IFRD1: variants seen among roughly 807,000 people sequenced by gnomAD.
The protein encoded by IFRD1 is interferon related developmental regulator 1.
In IFRD1, 35 loss-of-function variants were observed where a neutral mutation model predicts 52.9. That is an observed-to-expected ratio of 0.66 (90% CI 0.51 to 0.88). The LOEUF (loss-of-function observed/expected upper bound fraction) is 0.88, where lower values mean the gene tolerates loss of function less well. Ranked by LOEUF, IFRD1 falls within the 40% of genes least tolerant of loss-of-function variation. IFRD1 has a pLI of 0.00. For missense variants in IFRD1, 517 were observed against 550.8 expected, an observed-to-expected ratio of 0.94 and a Z score of 0.61; for synonymous variants, 184 against 188.4, an observed-to-expected ratio of 0.98 and a Z score of 0.19.
At chr7:112,472,440 C>T in intron 10 of IFRD1, 93 bp downstream of exon 10, 4 of 1,341,064 alleles carry the variant, frequency 3.0e-6, no homozygotes, top group Admixed American at 1.7e-5. Context: ...AATTAGGTAT[C>T]CAGAGTGCTT....
chr7:112,472,687 TAATC>T, intron 10 of IFRD1, 75 bp from the exon 11 acceptor site: 1 of 929,064 alleles, frequency 1.1e-6, no homozygotes, highest in East Asian at 2.4e-5. Context: ...TAACTTCTGT[TAATC>T]AGAGTCACTC....
intron 1 of IFRD1, among the ~76,000 whole-genome samples, chr7:112,425,582 C>T (rs1343045520): frequency 6.6e-6 from 1 of 152,180 alleles, no homozygotes; most frequent in Admixed American, 6.5e-5. Flanking sequence ...CTAAGGGTTG[C>T]ACTGTTGGCT....
intron 8 of IFRD1, among the ~76,000 whole-genome samples, chr7:112,466,402 A>G (rs1351172920): frequency 6.6e-6 from 1 of 152,140 alleles, no homozygotes; most frequent in East Asian, 1.9e-4. Context: ...ATTACCGTGA[A>G]GTTTTTCAAT....
At chr7:112,440,018 C>T (rs1172213724) in intron 1 of IFRD1, among the ~76,000 whole-genome samples, 5 of 151,696 alleles carry the variant, frequency 3.3e-5, no homozygotes, top group African/African-American at 1.2e-4. Context: ...TGCAGTCTTG[C>T]TCTGTCACCT....
At chr7:112,435,621 G>GGTCTGTGTGTGTGTGT (rs1554503434) in intron 1 of IFRD1, 8 of 108,840 alleles carry the variant, frequency 7.4e-5, no homozygotes, top group African/African-American at 2.6e-4. Flanking sequence ...ATCTGCTACA[G>GGTCTGTGTGTGTGTGT]GTGTGTGTGT....
intron 1 of IFRD1, among the ~76,000 whole-genome samples, chr7:112,428,349 C>T (rs1376010615): frequency 1.3e-5 from 2 of 151,998 alleles, no homozygotes; most frequent in East Asian, 3.9e-4. Flanking sequence ...TTCTGAGCGG[C>T]TGGGTGAAGG....
At chr7:112,449,110 C>T (rs1795091630), upstream of IFRD1, among the ~76,000 whole-genome samples, 1 of 152,164 alleles carries the variant, frequency 6.6e-6, no homozygotes, top group Admixed American at 6.5e-5. Context: ...ATAGGGAACA[C>T]ACAAATAAAT....
intron 11 of IFRD1, among the ~76,000 whole-genome samples, chr7:112,474,135 T>A (rs1795832593): frequency 6.6e-6 from 1 of 152,242 alleles, no homozygotes; most frequent in Non-Finnish European, 1.5e-5. Context: ...ACATTTTGTT[T>A]ATCCATTTTA....
At chr7:112,452,172 A>G in intron 1 of IFRD1, 3 of 917,294 alleles carry the variant, frequency 3.3e-6, no homozygotes, top group South Asian at 5.0e-5. Context: ...TTTTTTTGTT[A>G]AGGGAAAGAG....
At chr7:112,430,383 T>C (rs758649839) in intron 1 of IFRD1, among the ~76,000 whole-genome samples, 2 of 152,040 alleles carry the variant, frequency 1.3e-5, no homozygotes, top group African/African-American at 2.4e-5. Flanking sequence ...TGGAAGGTGG[T>C]TCTGAGATGG....
intron 1 of IFRD1, among the ~76,000 whole-genome samples, chr7:112,434,822 T>TG (rs1489974533): frequency 6.6e-6 from 1 of 152,200 alleles, no homozygotes; most frequent in African/African-American, 2.4e-5. Context: ...TACAGAATGA[T>TG]TCAAAAAGAA....
At chr7:112,434,886 A>G in intron 1 of IFRD1, among the ~76,000 whole-genome samples, 1 of 152,182 alleles carries the variant, frequency 6.6e-6, no homozygotes, top group East Asian at 1.9e-4. Context: ...CACTTTCCAT[A>G]GACATTGAAA....
At chr7:112,472,579 G>A (rs1053600647) in intron 10 of IFRD1, among the ~76,000 whole-genome samples, 187 bp from the exon 11 acceptor site, 5 of 152,058 alleles carry the variant, frequency 3.3e-5, no homozygotes, top group Admixed American at 1.3e-4. Context: ...AAAGCAAATA[G>A]CTTGACATAG....
At chr7:112,429,990 C>T (rs1794513759) in intron 1 of IFRD1, among the ~76,000 whole-genome samples, 1 of 152,228 alleles carries the variant, frequency 6.6e-6, no homozygotes, top group African/African-American at 2.4e-5. Flanking sequence ...TTCTTCTCAG[C>T]TTCTTCCTAC....
intron 11 of IFRD1, 77 bp from the exon 12 acceptor site, chr7:112,475,353 T>G: frequency 1.2e-6 from 1 of 800,796 alleles, no homozygotes; most frequent in South Asian, 1.5e-5. Context: ...CTTTTCTTTG[T>G]GACTTTTACC....
At chr7:112,444,817 G>T (rs1444902965) in intron 1 of IFRD1, among the ~76,000 whole-genome samples, 1 of 152,142 alleles carries the variant, frequency 6.6e-6, no homozygotes, top group Non-Finnish European at 1.5e-5. Context: ...GGATGGAGGG[G>T]GAAAGAGTTG....
At chr7:112,443,873 A>G (rs1460563445) in intron 1 of IFRD1, among the ~76,000 whole-genome samples, 1 of 151,398 alleles carries the variant, frequency 6.6e-6, no homozygotes, top group African/African-American at 2.4e-5. Context: ...AAAAAAAAAA[A>G]AAAACCCAAA....
chr7:112,430,858 G>T (rs939378828), intron 1 of IFRD1, among the ~76,000 whole-genome samples: 8 of 152,180 alleles, frequency 5.3e-5, no homozygotes, highest in Admixed American at 5.2e-4. Context: ...GCCTGATGTA[G>T]AAGATTCTCC....
intron 8 of IFRD1, among the ~76,000 whole-genome samples, chr7:112,466,452 T>G (rs1795610362): frequency 6.6e-6 from 1 of 152,168 alleles, no homozygotes; most frequent in Admixed American, 6.6e-5. Flanking sequence ...GGATTATATT[T>G]TGTCATTGTA....
Sources: allele counts gnomAD v4.1 joint callset (sites outside exome capture counted in the v4.1 genomes callset), GRCh38; gene constraint gnomAD v4.1.1; transcripts MANE v1.5; gene names NCBI Gene and HGNC (gene_info 2026-07-23, HGNC 2026-07-21).